Variants in PRP4K observed in about 807,000 individuals in gnomAD.
PRP4K encodes the protein serine/threonine-protein kinase PRP4 homolog.
chr6:4,037,589 T>C, the PRP4K span: 1 of 1,603,860 alleles, frequency 6.2e-7, no homozygotes, highest in Non-Finnish European at 8.5e-7. Context: ...ATTTCATCCT[T>C]GTGATTCATT....
chr6:4,032,761 TTG>T, the PRP4K span: 11 of 1,552,956 alleles, frequency 7.1e-6, no homozygotes, highest in African/African-American at 5.6e-5. Flanking sequence ...CCAAGGTAAC[TTG>T]TGTACAAAAT....
the PRP4K span, among the ~76,000 whole-genome samples, chr6:4,037,728 T>C: frequency 1.3e-5 from 2 of 152,224 alleles, no homozygotes; most frequent in African/African-American, 4.8e-5. Flanking sequence ...ACATGGGTTT[T>C]CTTTTATATC....
chr6:4,052,307 G>A, the PRP4K span, among the ~76,000 whole-genome samples: 1 of 151,968 alleles, frequency 6.6e-6, no homozygotes, highest in African/African-American at 2.4e-5. Context: ...TGCTCCTCCC[G>A]GAGTACAGTG....
the PRP4K span, chr6:4,058,865 A>G: frequency 2.4e-5 from 32 of 1,353,424 alleles, no homozygotes; most frequent in Non-Finnish European, 3.0e-5. Context: ...TTAACTGAGT[A>G]CTAAATCATA....
At chr6:4,046,587 G>T in the PRP4K span, among the ~76,000 whole-genome samples, 4 of 151,966 alleles carry the variant, frequency 2.6e-5, no homozygotes, top group Non-Finnish European at 1.5e-5. Flanking sequence ...TTATTTTAAT[G>T]TGAAGTCATT....
the PRP4K span, among the ~76,000 whole-genome samples, chr6:4,057,798 A>G: frequency 1.7e-5 from 2 of 119,372 alleles, no homozygotes; most frequent in Non-Finnish European, 3.2e-5. Flanking sequence ...TTTGTCGCCC[A>G]GGCTGCAGTG....
At chr6:4,048,664 C>T in the PRP4K span, among the ~76,000 whole-genome samples, 5 of 151,992 alleles carry the variant, frequency 3.3e-5, no homozygotes, top group Non-Finnish European at 7.4e-5. Flanking sequence ...AATTCCTGAG[C>T]TCAAGCGATC....
At chr6:4,058,981 G>A in the PRP4K span, 1 of 518,510 alleles carries the variant, frequency 1.9e-6, no homozygotes, top group South Asian at 3.3e-5. Context: ...AAAGATGGAG[G>A]GATTTTAAAA....
the PRP4K span, chr6:4,047,285 A>T: frequency 6.7e-7 from 1 of 1,490,844 alleles, no homozygotes; most frequent in Non-Finnish European, 9.3e-7. Flanking sequence ...AACAAAAAAA[A>T]ATAACAAATA....
chr6:4,039,157 G>A, the PRP4K span, among the ~76,000 whole-genome samples: 1 of 152,170 alleles, frequency 6.6e-6, no homozygotes, highest in East Asian at 1.9e-4. Flanking sequence ...CACACAGCTG[G>A]ATCCTTCATT....
At chr6:4,062,507 G>A in the PRP4K span, 3 of 152,440 alleles carry the variant, frequency 2.0e-5, no homozygotes, top group African/African-American at 7.3e-5. This position sits in a 1 kb window ranked among gnomAD's most constrained non-coding sequence, Gnocchi z 4.2. Flanking sequence ...AGATTTTAGG[G>A]GTTTAAATAA....
At chr6:4,063,233 A>T in the PRP4K span, 1 of 152,130 alleles carries the variant, frequency 6.6e-6, no homozygotes, top group South Asian at 2.1e-4. Context: ...ATTTAGAATT[A>T]GTGCTGTTGT....
chr6:4,059,523 C>G, the PRP4K span, among the ~76,000 whole-genome samples: 1 of 152,206 alleles, frequency 6.6e-6, no homozygotes, highest in Non-Finnish European at 1.5e-5. Flanking sequence ...CTTAATAATA[C>G]TTCAGGGTAT....
At chr6:4,052,352 G>A in the PRP4K span, among the ~76,000 whole-genome samples, 4 of 152,038 alleles carry the variant, frequency 2.6e-5, no homozygotes, top group East Asian at 1.9e-4. Context: ...TCCACCTCCC[G>A]GGTTCAACAG....
chr6:4,044,811 G>C, the PRP4K span, among the ~76,000 whole-genome samples: 13 of 150,978 alleles, frequency 8.6e-5, no homozygotes, highest in Non-Finnish European at 1.5e-4. Context: ...TAGTGAACTT[G>C]TTGGAGGGCA....
the PRP4K span, among the ~76,000 whole-genome samples, chr6:4,041,834 A>T: frequency 6.6e-6 from 1 of 152,238 alleles, no homozygotes; most frequent in African/African-American, 2.4e-5. Context: ...TTAAAGTTGG[A>T]TGGGAGAAGG....
At chr6:4,032,571 A>G in the PRP4K span, 1 of 1,613,366 alleles carries the variant, frequency 6.2e-7, no homozygotes, top group Non-Finnish European at 8.5e-7. Flanking sequence ...TAGTCCTAAA[A>G]GAAGAAGTTT....
the PRP4K span, among the ~76,000 whole-genome samples, chr6:4,052,418 TGGC>T: frequency 6.6e-6 from 1 of 152,238 alleles, no homozygotes; most frequent in Non-Finnish European, 1.5e-5. Flanking sequence ...TTCAACAGTG[TGGC>T]TTTGTTGTGT....
At chr6:4,026,491 CAG>C in the PRP4K span, among the ~76,000 whole-genome samples, 2 of 150,640 alleles carry the variant, frequency 1.3e-5, no homozygotes, top group African/African-American at 4.9e-5. Flanking sequence ...TTTGTAGAGA[CAG>C]GGTTTCACCA....
Sources: allele counts gnomAD v4.1 joint callset (sites outside exome capture counted in the v4.1 genomes callset), GRCh38; gene constraint gnomAD v4.1.1; non-coding constraint Gnocchi (gnomAD v3.1); transcripts MANE v1.5; gene names NCBI Gene and HGNC (gene_info 2026-07-23, HGNC 2026-07-21).